Variants in STK3 observed in about 807,000 individuals in gnomAD.
STK3 encodes the protein serine/threonine kinase 3.
In STK3, 41 loss-of-function variants were observed where a neutral mutation model predicts 58.0. The ratio of observed to expected loss-of-function variants is 0.71; its 90% CI spans 0.55 to 0.92. The LOEUF (loss-of-function observed/expected upper bound fraction) is 0.92, where lower values mean the gene tolerates loss of function less well. Ranked by LOEUF, STK3 falls within the 40% of genes least tolerant of loss-of-function variation. The probability of loss-of-function intolerance (pLI) is 0.00; values close to 1 mark genes in which losing one functional copy is unlikely to be tolerated. For missense variants in STK3, 479 were observed against 602.7 expected (o/e 0.79, Z 2.15); for synonymous variants, 170 against 191.0 (o/e 0.89, Z 0.91).
intron 1 of STK3, among the ~76,000 whole-genome samples, chr8:98,929,137 A>ATTTT (rs1839916760): frequency 6.6e-6 from 1 of 152,156 alleles, no homozygotes; most frequent in East Asian, 1.9e-4. Flanking sequence ...ATGGTGGCAG[A>ATTTT]TGCCTGTAAT....
At chr8:98,358,515 A>C in the STK3 span, among the ~76,000 whole-genome samples, 1 of 152,072 alleles carries the variant, frequency 6.6e-6, no homozygotes, top group South Asian at 2.1e-4. Flanking sequence ...AGTGCCTGTG[A>C]CTTCTTTGAG....
chr8:98,572,354 A>G (rs1035021059), intron 8 of STK3, among the ~76,000 whole-genome samples: 1 of 152,186 alleles, frequency 6.6e-6, no homozygotes, highest in African/African-American at 2.4e-5. Context: ...TTAGTCAAAA[A>G]TGAATGTAAA....
At chr8:98,635,072 C>G (rs1819525038) in intron 6 of STK3, among the ~76,000 whole-genome samples, 2 of 151,634 alleles carry the variant, frequency 1.3e-5, no homozygotes, top group African/African-American at 4.8e-5. Flanking sequence ...GAAAAAAAAA[C>G]AAGAAGAAAG....
At chr8:98,805,262 A>G (rs1833824990) in intron 1 of STK3, among the ~76,000 whole-genome samples, 1 of 152,150 alleles carries the variant, frequency 6.6e-6, no homozygotes, top group African/African-American at 2.4e-5. Context: ...GAATTCTCAC[A>G]TAACATTTTA....
chr8:98,658,557 C>G (rs539801461), intron 6 of STK3, among the ~76,000 whole-genome samples: 14 of 151,960 alleles, frequency 9.2e-5, no homozygotes, highest in Non-Finnish European at 1.8e-4. Flanking sequence ...ACTACTTTTA[C>G]CTCCTGTTAA....
Position 98,850,782 on chromosome 8 carries a change from T to TG in STK3, c.110+32864dup, listed in dbSNP as rs1269091603. Among the ~76,000 whole-genome samples, 2 of 152,232 alleles carry TG rather than the reference T, an allele frequency of 1.3e-5. 1 individual carries two copies. Among genetic ancestry groups the TG allele is most frequent in the South Asian group, 4.1e-4 (2 of 4,820 alleles). ...GGGTCATCAACCACACCTGTGTGCC[T>TG]GGGGGTTCAGAGTTTAACCTGGGGC... On this transcript the variant is annotated intron_variant, in intron 3 of 12. Coordinates refer to the STK3 transcript ENST00000523601.
chr8:98,742,197 T>C (rs901510379), intron 4 of STK3, among the ~76,000 whole-genome samples: 10 of 151,528 alleles, frequency 6.6e-5, no homozygotes, highest in Non-Finnish European at 1.0e-4. Flanking sequence ...TTCCAATCAA[T>C]AGAAAAAGAG....
chr8:98,582,474 C>A (rs151132725), intron 7 of STK3, among the ~76,000 whole-genome samples: 8 of 152,034 alleles, frequency 5.3e-5, no homozygotes, highest in African/African-American at 1.7e-4. Flanking sequence ...CTAGTTCTTT[C>A]CTATTTCCAT....
downstream of STK3, among the ~76,000 whole-genome samples, chr8:98,370,429 G>T (rs1313264417): frequency 6.6e-6 from 1 of 151,454 alleles, no homozygotes; most frequent in African/African-American, 2.4e-5. Flanking sequence ...AAGCTTCAGA[G>T]TCTTGCATAA....
chr8:98,839,015 T>C (rs1165819478), intron 3 of STK3, among the ~76,000 whole-genome samples: 1 of 150,598 alleles, frequency 6.6e-6, no homozygotes, highest in Non-Finnish European at 1.5e-5. Flanking sequence ...TGTGTGTGTG[T>C]GTGCGCTTGT....
intron 6 of STK3, among the ~76,000 whole-genome samples, chr8:98,641,363 A>AT (rs1820001749): frequency 6.6e-6 from 1 of 152,182 alleles, no homozygotes; most frequent in Non-Finnish European, 1.5e-5. Context: ...TTCTGGTGGA[A>AT]TTTACCTATT....
chr8:98,736,909 G>T (rs1200861988), intron 4 of STK3, among the ~76,000 whole-genome samples: 1 of 152,058 alleles, frequency 6.6e-6, no homozygotes, highest in Non-Finnish European at 1.5e-5. Flanking sequence ...AATCTAAACT[G>T]TCCATTACTC....
rs1433649339 is a variant in STK3, at chr8:98,888,234, G to A, written c.-78-4400C>T. On this transcript the variant is annotated intron_variant, in intron 1 of 1. Coordinates refer to the STK3 transcript ENST00000519420. ...CTCAGGAGGCTGAGGCAGGAGAATC[G>A]CTTGAACCTGGGAGGCGGAGGATGC... Among the ~76,000 whole-genome samples the A allele has an allele frequency of 5.3e-5, 8 of 152,104 alleles. No individual in the cohort carries two copies. In the East Asian group the frequency reaches 5.8e-4, roughly 11 times the overall value.
At chr8:98,608,879 A>G (rs1816963690) in intron 6 of STK3, among the ~76,000 whole-genome samples, 1 of 152,234 alleles carries the variant, frequency 6.6e-6, no homozygotes, top group Admixed American at 6.5e-5. Flanking sequence ...AGAAGAGAAT[A>G]TGGTGATGAA....
intron 10 of STK3, among the ~76,000 whole-genome samples, chr8:98,500,235 G>C (rs1018876327): frequency 5.3e-5 from 8 of 152,084 alleles, no homozygotes; most frequent in Non-Finnish European, 1.2e-4. Flanking sequence ...CACTGGCTTT[G>C]AAAATGGAAA....
chr8:98,654,005 C>T (rs1477378819), intron 6 of STK3, among the ~76,000 whole-genome samples: 1 of 151,824 alleles, frequency 6.6e-6, no homozygotes, highest in African/African-American at 2.4e-5. Flanking sequence ...CATCCTGATA[C>T]CAAAGCCTGA....
intron 3 of STK3, among the ~76,000 whole-genome samples, chr8:98,850,847 C>T (rs758643623): frequency 9.2e-4 from 140 of 152,148 alleles, no homozygotes; most frequent in South Asian, 2.7e-3. Flanking sequence ...TGATCAGAGC[C>T]GCATTTTAGA....
At position 98,707,190 on chromosome 8, in the gene STK3, CCTT is replaced by C; in HGVS notation, c.470_472del (p.Glu157del). 1.2e-6 allele frequency: 2 copies of C among 1,609,772 alleles called. No homozygotes were observed. The highest frequency in any genetic ancestry group is 1.7e-6 in the Non-Finnish European group (2 of 1,179,012). Reference sequence around the variant, plus strand: ...TCCAAAATCTGCCAATTTTGCATGTCCTTCTGTATTGAGGAGAATATTTCCAGC... The same window carrying C: ...TCCAAAATCTGCCAATTTTGCATGTCCTGTATTGAGGAGAATATTTCCAGC... On this transcript the variant is annotated inframe_deletion, in exon 5 of 11. Transcript: ENST00000419617.
intron 4 of STK3, among the ~76,000 whole-genome samples, chr8:98,720,853 A>G (rs906977384): frequency 3.9e-5 from 6 of 152,200 alleles, no homozygotes; most frequent in Non-Finnish European, 8.8e-5. Flanking sequence ...TAATTAGAAC[A>G]GTTGCCAACC....
Sources: gnomAD v4.1 joint callset for allele counts (sites outside exome capture counted in the v4.1 genomes callset) on GRCh38, gnomAD v4.1.1 for gene constraint, MANE v1.5 for transcripts, NCBI Gene and HGNC (gene_info 2026-07-23, HGNC 2026-07-21) for gene names.